LRRC52: variants seen among roughly 807,000 people sequenced by gnomAD.
The protein encoded by LRRC52 is leucine-rich repeat-containing protein 52.
A neutral mutation model predicts 14.7 loss-of-function variants in LRRC52; 15 were observed. The ratio of observed to expected loss-of-function variants is 1.02; its 90% confidence interval spans 0.68 to 1.58. The LOEUF (loss-of-function observed/expected upper bound fraction) is 1.58, where lower values mean the gene tolerates loss of function less well. Among genes scored for constraint, LRRC52 ranks in the 40% most tolerant of loss-of-function variants. The pLI, the probability that LRRC52 is intolerant of heterozygous loss-of-function variation, is 0.00. For missense variants in LRRC52, 400 were observed against 387.7 expected, an observed-to-expected ratio of 1.03 and a Z score of -0.27; for synonymous variants, 180 against 163.9, an observed-to-expected ratio of 1.10 and a Z score of -0.75.
chr1:165,556,245 C>G (rs1303889525), intron 1 of LRRC52, among the ~76,000 whole-genome samples: 1 of 152,204 alleles, frequency 6.6e-6, no homozygotes, highest in Non-Finnish European at 1.5e-5. Context: ...CAGTTATACA[C>G]GAGACCAGTT....
chr1:165,545,031 C>A, intron 1 of LRRC52, 113 bp downstream of exon 1: 1 of 1,336,496 alleles, frequency 7.5e-7, no homozygotes, highest in Non-Finnish European at 1.0e-6. Context: ...TGATTGAATG[C>A]ATTCTTATTA....
chr1:165,547,702 C>T (rs992061795), intron 1 of LRRC52, among the ~76,000 whole-genome samples: 2 of 152,036 alleles, frequency 1.3e-5, no homozygotes, highest in Non-Finnish European at 2.9e-5. Context: ...ACTTACATAC[C>T]CACACGTATA....
Position 165,563,533 on chromosome 1 carries a change from C to T in LRRC52, c.651C>T (p.Pro217=). The T allele has an allele frequency of 1.2e-6, 2 of 1,613,988 alleles. No homozygotes were observed. Among genetic ancestry groups the T allele is most frequent in the Non-Finnish European group, 1.7e-6 (2 of 1,179,908 alleles). Reference sequence around the variant, plus strand: ...ATCTAAATGCCACATGTGTGGAGCCCACAGAGCTGACAGGGTGGCCCATCA... The same window carrying T: ...ATCTAAATGCCACATGTGTGGAGCCTACAGAGCTGACAGGGTGGCCCATCA... The part of the protein sequence containing the change: ...SDDLNATCVE[P]TELTGWPITR... The change falls in exon 2 of 2, where the codon CCC becomes CCT. Residue 217 remains proline, a synonymous_variant. Transcript: ENST00000294818.
chr1:165,557,966 T>C lies in LRRC52; in HGVS notation c.623-5539T>C, dbSNP rs561568466. Among the ~76,000 whole-genome samples, 3 of 152,312 alleles carry C rather than the reference T, an allele frequency of 2.0e-5. No homozygotes were observed. The South Asian group carries it at 6.2e-4, about 32-fold the overall frequency. ...GGCTCCTTTGGGGGCACCAAGGCCC[T>C]GGGAACCTGCAGCACAGCCCTGGGC... On this transcript the variant is annotated intron_variant, in intron 1 of 1. Coordinates refer to ENST00000294818, the MANE Select transcript of LRRC52 (RefSeq NM_001005214.4).
In LRRC52 at chr1:165,563,507, G is replaced by T. The variant is rs1385455153; in HGVS notation, c.625G>T (p.Asp209Tyr). 1 of 1,609,852 alleles carries T rather than the reference G, an allele frequency of 6.2e-7. No homozygotes were observed. Among genetic ancestry groups the T allele is most frequent in the South Asian group, 1.1e-5 (1 of 90,578 alleles). ...GCCTGCTGTGTTTTTCTTCTTAGAT[G>T]ATCTAAATGCCACATGTGTGGAGCC... ...LIVFHMDPSDDLNATCVEPTE... is the reference protein window; with the variant it reads ...LIVFHMDPSDYLNATCVEPTE... The change falls in exon 2 of 2, where the codon GAT becomes TAT. Residue 209 changes from aspartate (D) to tyrosine (Y), a missense_variant and splice_region_variant. Physicochemically the swap from Asp to Tyr is radical, Grantham distance 160. Transcript: ENST00000294818.
At chr1:165,559,127 G>A (rs10918211) in intron 1 of LRRC52, among the ~76,000 whole-genome samples, 70,539 of 152,120 alleles carry the variant, frequency 0.46, 20,208 homozygotes, top group East Asian at 0.71. Context: ...GGTGGCTCAC[G>A]CCTGTAATCC....
intron 1 of LRRC52, among the ~76,000 whole-genome samples, chr1:165,549,667 A>G (rs922480069): frequency 6.6e-6 from 1 of 152,246 alleles, no homozygotes; most frequent in East Asian, 1.9e-4. Context: ...TGCAAGAAGG[A>G]AGTGGAGAGG....
At chr1:165,558,147 T>A (rs1455180297) in intron 1 of LRRC52, among the ~76,000 whole-genome samples, 1 of 152,238 alleles carries the variant, frequency 6.6e-6, no homozygotes, top group Non-Finnish European at 1.5e-5. Flanking sequence ...TGCATCTGAT[T>A]CTGACAAAGA....
chr1:165,544,229 C>CCCCCCCCCCAGGG lies in LRRC52; in HGVS notation c.-68_-67insCCCCCCCCCAGGG. The CCCCCCCCCCAGGG allele has an allele frequency of 6.8e-7, 1 of 1,476,570 alleles. No individual in the cohort carries two copies. Among genetic ancestry groups the CCCCCCCCCCAGGG allele is most frequent in the Non-Finnish European group, 9.1e-7 (1 of 1,101,700 alleles). 91.5% of individuals were successfully genotyped at this position (1,476,570 alleles called of 1,614,324 possible). A position where few individuals can be genotyped will look rare whatever the true frequency, so the allele number is the denominator to read the frequency against. ...CCCCTCCCCCGCCCCACCCCCCCAC[C>CCCCCCCCCCAGGG]GGCAGCCTTCGGATCAGAGGACAGA... On this transcript the variant is annotated 5_prime_UTR_variant, in exon 1 of 2. Transcript: ENST00000294818.
In LRRC52 at chr1:165,544,310, C is replaced by T; in HGVS notation, c.14C>T (p.Ser5Leu). 6.3e-7 allele frequency: 1 copy of T among 1,589,376 alleles called. No individual in the cohort carries two copies. Among genetic ancestry groups the T allele is most frequent in the Non-Finnish European group, 8.6e-7 (1 of 1,164,496 alleles). The change falls in exon 1 of 2, where the codon TCA becomes TTA. Residue 5 changes from serine to leucine, a missense_variant. Ser to Leu is a moderately radical substitution (Grantham distance 145). Transcript: ENST00000294818. ...TGGCTTCTTACTATGTCCCTTGCTT[C>T]AGGCCCTGGCCCTGGGTGGTTACTC... The part of the protein sequence containing the change: MSLA[S>L]GPGPGWLLFS...
At chr1:165,552,108 G>A (rs1017803158) in intron 1 of LRRC52, among the ~76,000 whole-genome samples, 9 of 152,044 alleles carry the variant, frequency 5.9e-5, no homozygotes, top group Non-Finnish European at 1.2e-4. Context: ...TGATCCCTAA[G>A]CCACCCAGAA....
chr1:165,554,732 T>C (rs1279536152), intron 1 of LRRC52, among the ~76,000 whole-genome samples: 1 of 152,194 alleles, frequency 6.6e-6, no homozygotes, highest in Admixed American at 6.5e-5. Context: ...ACCCGGCCAA[T>C]GATAGCTTTT....
chr1:165,552,046 C>A (rs568086536), intron 1 of LRRC52, among the ~76,000 whole-genome samples: 1 of 150,604 alleles, frequency 6.6e-6, no homozygotes, highest in Non-Finnish European at 1.5e-5. Flanking sequence ...AAAGCCAGAA[C>A]AGCAGCCTCC....
chr1:165,557,115 C>T (rs919259649), intron 1 of LRRC52, among the ~76,000 whole-genome samples: 5 of 152,182 alleles, frequency 3.3e-5, no homozygotes, highest in East Asian at 3.8e-4. Flanking sequence ...AAACAGTTCT[C>T]GAAAAGTAAT....
At chr1:165,551,420 G>A (rs538005652) in intron 1 of LRRC52, among the ~76,000 whole-genome samples, 7 of 152,312 alleles carry the variant, frequency 4.6e-5, no homozygotes, top group Non-Finnish European at 7.3e-5. Context: ...TAAATGAATC[G>A]ATTTGCTCTG....
At chr1:165,545,060 T>C (rs999165377) in intron 1 of LRRC52, 142 bp downstream of exon 1, 10 of 1,058,438 alleles carry the variant, frequency 9.4e-6, no homozygotes, top group Non-Finnish European at 1.4e-5. Flanking sequence ...GGCCCACCCT[T>C]GGGTTGACTG....
At position 165,560,101 on chromosome 1, in the gene LRRC52, C is replaced by T. The variant is rs534648982; in HGVS notation, c.623-3404C>T. 2.4e-4 allele frequency among the ~76,000 whole-genome samples: 36 copies of T among 152,274 alleles called. No individual in the cohort carries two copies. In the South Asian group the frequency reaches 5.2e-3, roughly 22 times the overall value. ...AGAAAACCTGTCCAGACATGGGGAG[C>T]GCACACAAACTCCATACAGACAGTG... On this transcript the variant is annotated intron_variant, in intron 1 of 1. Coordinates refer to ENST00000294818, the MANE Select transcript of LRRC52 (RefSeq NM_001005214.4).
At chr1:165,545,822 G>A (rs1031393731) in intron 1 of LRRC52, among the ~76,000 whole-genome samples, 2 of 152,106 alleles carry the variant, frequency 1.3e-5, no homozygotes, top group Non-Finnish European at 2.9e-5. Context: ...AGAAAAATGA[G>A]AAATAACTCC....
At chr1:165,554,617 G>A (rs953007299) in intron 1 of LRRC52, among the ~76,000 whole-genome samples, 3 of 152,088 alleles carry the variant, frequency 2.0e-5, no homozygotes, top group African/African-American at 7.2e-5. Flanking sequence ...TTTATTTTTA[G>A]TAGAGATGGA....
Sources: gnomAD v4.1 joint callset for allele counts (sites outside exome capture counted in the v4.1 genomes callset) on GRCh38, gnomAD v4.1.1 for gene constraint, MANE v1.5 for transcripts, NCBI Gene and HGNC (gene_info 2026-07-23, HGNC 2026-07-21) for gene names.